Variants in LIPN observed in about 807,000 individuals in gnomAD.
LIPN encodes lipase member N.
Under a neutral mutation model 43.7 loss-of-function variants are expected in LIPN, and 32 were observed. The observed-to-expected ratio is 0.73, with a 90% CI of 0.55 to 0.98. The LOEUF (loss-of-function observed/expected upper bound fraction) is 0.98, where lower values mean the gene tolerates loss of function less well. LIPN is among the 50% of genes least tolerant of loss of function. The probability of loss-of-function intolerance (pLI) is 0.00; values close to 1 mark genes in which losing one functional copy is unlikely to be tolerated. For missense variants in LIPN, 505 were observed against 483.8 expected (o/e 1.04, Z -0.41); for synonymous variants, 156 against 157.6 (o/e 0.99, Z 0.08).
chr10:88,769,626 T>C, intron 6 of LIPN: 1 of 976,960 alleles, frequency 1.0e-6, no homozygotes, highest in African/African-American at 1.8e-5. Context: ...ATGGATAAAA[T>C]GGATTTGGGC....
At chr10:88,773,459 G>A (rs747681451) in intron 7 of LIPN, among the ~76,000 whole-genome samples, 14 of 152,014 alleles carry the variant, frequency 9.2e-5, no homozygotes, top group Middle Eastern at 3.4e-3. Context: ...CTTTCTTTGT[G>A]GGTGACTTTT....
intron 8 of LIPN, 59 bp downstream of exon 8, chr10:88,774,603 C>G (rs985975294): frequency 1.4e-6 from 2 of 1,394,600 alleles, no homozygotes; most frequent in Non-Finnish European, 2.0e-6. Context: ...TTTAAAAAGA[C>G]AGAATTGACC....
intron 7 of LIPN, among the ~76,000 whole-genome samples, chr10:88,772,855 TAA>T (rs57581860): frequency 1.4e-5 from 2 of 147,516 alleles, no homozygotes; most frequent in African/African-American, 2.5e-5. Flanking sequence ...CAAATAATCT[TAA>T]AAAAAAAGAA....
In LIPN at chr10:88,774,401, T is replaced by C. The variant is rs1247231105; in HGVS notation, c.820-72T>C. On this transcript the variant is annotated intron_variant, in intron 7 of 9. Coordinates refer to ENST00000404459, the MANE Select transcript of LIPN (RefSeq NM_001102469.2). ...CAGTCTTGTTTGCTAATTCTGTGCA[T>C]CATTTTTCTCTGATTCTGAAAGGCA... 24 of 899,322 alleles carry C rather than the reference T, an allele frequency of 2.7e-5. No homozygotes were observed. The South Asian group carries it at 3.2e-4, about 12-fold the overall frequency. 55.7% of individuals were successfully genotyped at this position (899,322 alleles called of 1,614,324 possible). A position where few individuals can be genotyped will look rare whatever the true frequency, so the allele number is the denominator to read the frequency against.
intron 4 of LIPN, among the ~76,000 whole-genome samples, chr10:88,765,552 T>C (rs929379511): frequency 6.6e-6 from 1 of 151,920 alleles, no homozygotes; most frequent in Non-Finnish European, 1.5e-5. Context: ...AACAGGCTTC[T>C]AGCTTATGGA....
At position 88,762,233 on chromosome 10, in the gene LIPN, G is replaced by T. The variant is rs765821010; in HGVS notation, c.154G>T (p.Val52Phe). ...YNGYPSEEYE[V>F]TTEDGYILLV... ...TGGCTACCCCAGTGAAGAGTATGAAGTCACCACTGAAGATGGGTATATACT... is the reference window on the plus strand; with the variant it reads ...TGGCTACCCCAGTGAAGAGTATGAATTCACCACTGAAGATGGGTATATACT... The change falls in exon 3 of 10, where the codon GTC (valine) becomes TTC (phenylalanine). Residue 52 changes from valine (V) to phenylalanine (F), a missense_variant. Val to Phe is a conservative substitution (Grantham distance 50). Transcript: ENST00000404459. The T allele has an allele frequency of 5.6e-6, 9 of 1,609,340 alleles. No individual in the cohort carries two copies. Among genetic ancestry groups the T allele is most frequent in the Non-Finnish European group, 7.6e-6 (9 of 1,177,672 alleles).
At chr10:88,768,056 A>AGTGGAGG (rs1843139947) in intron 5 of LIPN, among the ~76,000 whole-genome samples, 11 of 131,358 alleles carry the variant, frequency 8.4e-5, no homozygotes, top group Non-Finnish European at 1.6e-5. Context: ...ACACACACAC[A>AGTGGAGG]CACACATGCC....
At chr10:88,777,169 T>C (rs1175793405) in intron 9 of LIPN, among the ~76,000 whole-genome samples, 1 of 152,098 alleles carries the variant, frequency 6.6e-6, no homozygotes, top group Non-Finnish European at 1.5e-5. Flanking sequence ...ATGTGTTATG[T>C]TCGTTACCAC....
At position 88,764,555 on chromosome 10, in the gene LIPN, G is replaced by T. The variant is rs1843058956; in HGVS notation, c.372G>T (p.Trp124Cys). The T allele has an allele frequency of 6.2e-7, 1 of 1,611,790 alleles. No homozygotes were observed. Among genetic ancestry groups the T allele is most frequent in the East Asian group, 2.2e-5 (1 of 44,758 alleles). ...VWMGNSRGNT[W>C]SRRHKTLSET... ...TGGGAAACAGTCGGGGAAACACTTGGTCAAGAAGACACAAAACACTCTCAG... is the reference window on the plus strand; with the variant it reads ...TGGGAAACAGTCGGGGAAACACTTGTTCAAGAAGACACAAAACACTCTCAG... Residue 124 changes from tryptophan (W) to cysteine (C), a missense_variant, in exon 4 of 10, where the codon TGG becomes TGT. Transcript: ENST00000404459.
At chr10:88,767,684 A>G (rs996162212) in intron 5 of LIPN, among the ~76,000 whole-genome samples, 1 of 110,510 alleles carries the variant, frequency 9.0e-6, no homozygotes, top group Non-Finnish European at 1.9e-5. Flanking sequence ...AAAAAAAAAA[A>G]AAAAAAAACC....
rs1177864557 is a variant in LIPN at position 88,769,527 on chromosome 10, T to C, written c.672+599T>C. ...TCTATTAAAGGGTTTTTTTTTTTTTTCTCTTTGCTTTTGTTTCTCTACAAA... is the reference window on the plus strand; with the variant it reads ...TCTATTAAAGGGTTTTTTTTTTTTTCCTCTTTGCTTTTGTTTCTCTACAAA... On this transcript the variant is annotated intron_variant, in intron 6 of 9. Transcript: ENST00000404459. 9.6e-6 allele frequency: 9 copies of C among 935,014 alleles called. No individual in the cohort carries two copies. In the African/African-American group the frequency reaches 1.3e-4, roughly 14 times the overall value. 57.9% of individuals were successfully genotyped at this position (935,014 alleles called of 1,614,324 possible).
intron 5 of LIPN, among the ~76,000 whole-genome samples, chr10:88,766,981 T>C (rs1159526266): frequency 6.6e-6 from 1 of 151,948 alleles, no homozygotes; most frequent in Non-Finnish European, 1.5e-5. Context: ...TTTTTTAAGC[T>C]GACAACTTAC....
chr10:88,759,186 T>C (rs1345649117), upstream of LIPN, among the ~76,000 whole-genome samples: 1 of 152,134 alleles, frequency 6.6e-6, no homozygotes, highest in Non-Finnish European at 1.5e-5. Context: ...AAACAGATCT[T>C]AGGATTTGGA....
At chr10:88,758,332 C>A (rs571137104), upstream of LIPN, among the ~76,000 whole-genome samples, 1 of 149,816 alleles carries the variant, frequency 6.7e-6, no homozygotes, top group African/African-American at 2.5e-5. Flanking sequence ...GAAAGGTTAC[C>A]CCTTTCTAGC....
upstream of LIPN, among the ~76,000 whole-genome samples, chr10:88,759,753 T>A (rs1423612668): frequency 6.6e-6 from 1 of 152,120 alleles, no homozygotes; most frequent in Admixed American, 6.6e-5. Flanking sequence ...CTTGAGTATG[T>A]TCTACTTCCC....
intron 5 of LIPN, among the ~76,000 whole-genome samples, chr10:88,767,644 CAAAAAAAAA>C (rs61646268): frequency 1.6e-4 from 10 of 61,484 alleles, no homozygotes; most frequent in African/African-American, 6.4e-4. Context: ...ACTTGATCTG[CAAAAAAAAA>C]AAAAAAAAAA....
intron 9 of LIPN, among the ~76,000 whole-genome samples, chr10:88,776,150 GT>G (rs1843292999): frequency 1.3e-5 from 2 of 151,720 alleles, no homozygotes; most frequent in Non-Finnish European, 2.9e-5. Flanking sequence ...ACCACTAAAA[GT>G]TTTTTTCCTG....
intron 5 of LIPN, among the ~76,000 whole-genome samples, chr10:88,766,802 A>G (rs1843108513): frequency 6.6e-6 from 1 of 151,998 alleles, no homozygotes. Flanking sequence ...ATAAAAGGGA[A>G]GGGCTTATAC....
chr10:88,770,561 A>T (rs1010124062), intron 6 of LIPN, among the ~76,000 whole-genome samples: 5 of 151,816 alleles, frequency 3.3e-5, no homozygotes, highest in African/African-American at 1.2e-4. Flanking sequence ...TCATCTGGAG[A>T]CACATTCCTA....
Sources: allele counts gnomAD v4.1 joint callset (sites outside exome capture counted in the v4.1 genomes callset), GRCh38; gene constraint gnomAD v4.1.1; transcripts MANE v1.5; gene names NCBI Gene and HGNC (gene_info 2026-07-23, HGNC 2026-07-21).